The following CMC2 variants were observed in gnomAD, a reference collection of about 807,000 sequenced individuals.
The protein encoded by CMC2 is COX assembly mitochondrial protein 2 homolog.
CMC2 carries 5 observed loss-of-function variants against 7.5 expected under a neutral mutation model. The observed-to-expected ratio is 0.66, with a 90% CI of 0.35 to 1.40. CMC2 has a LOEUF of 1.40. Ranked by LOEUF, CMC2 falls within the 40% of genes most tolerant of loss-of-function variation. The pLI, the probability that CMC2 is intolerant of heterozygous loss-of-function variation, is 0.04. For synonymous variants in CMC2, 37 were observed against 31.4 expected (o/e 1.18, Z -0.60); for missense variants, 115 against 92.3 (o/e 1.25, Z -1.01).
At chr16:80,999,042 G>C (rs2216753) in intron 1 of CMC2, 95,803 of 151,952 alleles carry the variant, frequency 0.63, 31,699 homozygotes, top group South Asian at 0.79. Context: ...CAAGGGAACA[G>C]GATGCCCGCT....
intron 1 of CMC2, among the ~76,000 whole-genome samples, chr16:81,002,807 A>C (rs1968968946): frequency 6.6e-6 from 1 of 152,220 alleles, no homozygotes. Flanking sequence ...TTGACAAATA[A>C]TAATTGTATA....
At chr16:81,000,250 C>A (rs191215616) in intron 1 of CMC2, among the ~76,000 whole-genome samples, 1 of 152,190 alleles carries the variant, frequency 6.6e-6, no homozygotes, top group East Asian at 1.9e-4. Flanking sequence ...GTAATCCCAG[C>A]GCTTTGGGAG....
chr16:80,986,751 G>A lies in CMC2; in HGVS notation c.82-4874C>T, dbSNP rs538197826. Among the ~76,000 whole-genome samples, 59 of 152,350 alleles carry A rather than the reference G, an allele frequency of 3.9e-4. No homozygotes were observed. In the South Asian group the frequency reaches 9.5e-3, roughly 25 times the overall value. ...ATGACACTGGCTTTCAGCCAAGAAT[G>A]ACAGTGGAAGTTTTAAAAAGAGATA... On this transcript the variant is annotated intron_variant, in intron 2 of 3. Transcript: ENST00000219400.
In CMC2 at chr16:80,969,164, G is replaced by C. The variant is rs1366510044; in HGVS notation, c.*6929C>G. 1 of 152,210 alleles carries C rather than the reference G, an allele frequency of 6.6e-6. No homozygotes were observed. The highest frequency in any genetic ancestry group is 1.5e-5 in the Non-Finnish European group (1 of 68,042). 9.4% of individuals were successfully genotyped at this position (152,210 alleles called of 1,614,324 possible). On this transcript the variant is annotated 3_prime_UTR_variant, in exon 4 of 4. Coordinates refer to ENST00000219400, the MANE Select transcript of CMC2 (RefSeq NM_020188.5). Reference sequence around the variant, plus strand: ...AACTATCTTTTTTATGATATAAAAAGGGCAGGAGGAGAGACAGTATTTACA... The same window carrying C: ...AACTATCTTTTTTATGATATAAAAACGGCAGGAGGAGAGACAGTATTTACA...
chr16:80,994,469 C>A (rs1440430049), intron 2 of CMC2, among the ~76,000 whole-genome samples: 12 of 149,902 alleles, frequency 8.0e-5, no homozygotes, highest in Admixed American at 8.0e-4. Context: ...ATTCACAATA[C>A]ACTTATCAAA....
chr16:80,984,671 A>T (rs894153050), intron 2 of CMC2, among the ~76,000 whole-genome samples: 12 of 152,232 alleles, frequency 7.9e-5, no homozygotes, highest in Non-Finnish European at 7.3e-5. Context: ...ACAAATAAAC[A>T]TGACAATGCA....
chr16:80,981,777 C>A, intron 3 of CMC2, 29 bp downstream of exon 3: 1 of 1,436,630 alleles, frequency 7.0e-7, no homozygotes, highest in East Asian at 2.3e-5. Flanking sequence ...TATTGTTCAA[C>A]CATATCCATC....
At chr16:81,001,841 A>AAC (rs72159358) in intron 1 of CMC2, among the ~76,000 whole-genome samples, 2,836 of 150,116 alleles carry the variant, frequency 0.019, 32 homozygotes, top group Non-Finnish European at 0.025. Context: ...GTAACTACTA[A>AAC]ACACACACAC....
At chr16:80,978,618 C>T (rs1966871907) in intron 3 of CMC2, among the ~76,000 whole-genome samples, 1 of 151,346 alleles carries the variant, frequency 6.6e-6, no homozygotes, top group African/African-American at 2.4e-5. Context: ...ACCTGTAATC[C>T]AAAACTTTGG....
At position 80,970,709 on chromosome 16, in the gene CMC2, A is replaced by G. The variant is rs1346492038; in HGVS notation, c.*5384T>C. ...ATCTATAGGCCCCAGAATTATTAAGAAAGTTTGGCAAGCCTTCTGAATGTA... is the reference window on the plus strand; with the variant it reads ...ATCTATAGGCCCCAGAATTATTAAGGAAGTTTGGCAAGCCTTCTGAATGTA... On this transcript the variant is annotated 3_prime_UTR_variant, in exon 4 of 4. Coordinates refer to ENST00000219400, the MANE Select transcript of CMC2 (RefSeq NM_020188.5). 1.3e-5 allele frequency: 2 copies of G among 152,222 alleles called. No homozygotes were observed. Among genetic ancestry groups the G allele is most frequent in the Admixed American group, 6.5e-5 (1 of 15,284 alleles). 9.4% of individuals were successfully genotyped at this position (152,222 alleles called of 1,614,324 possible). A position where few individuals can be genotyped will look rare whatever the true frequency, so the allele number is the denominator to read the frequency against.
In CMC2 at chr16:81,000,079, A is replaced by C. The variant is rs10163450; in HGVS notation, c.-35-2650T>G. 8.3e-3 allele frequency among the ~76,000 whole-genome samples: 1,261 copies of C among 152,354 alleles called. 17 individuals are homozygous for C. The highest frequency in any genetic ancestry group is 0.029 in the African/African-American group (1,198 of 41,576). On this transcript the variant is annotated intron_variant, in intron 1 of 3. Transcript: ENST00000219400. ...CTCAAAACAGCAAAAGAAACTATGA[A>C]TAGAATAAAGACAACCTACAGAATA...
chr16:80,986,875 G>T (rs1967583372), intron 2 of CMC2, among the ~76,000 whole-genome samples: 1 of 152,254 alleles, frequency 6.6e-6, no homozygotes, highest in South Asian at 2.1e-4. Context: ...ATCTGAGCCA[G>T]AGATACAGAT....
chr16:80,984,551 A>G (rs559599696), intron 2 of CMC2, among the ~76,000 whole-genome samples: 27 of 152,278 alleles, frequency 1.8e-4, no homozygotes, highest in African/African-American at 5.8e-4. Context: ...AAATTTTTTA[A>G]TTAAAAAAAC....
chr16:80,978,298 G>A (rs1389287562), intron 3 of CMC2: 4 of 1,222,872 alleles, frequency 3.3e-6, no homozygotes, highest in South Asian at 1.5e-5. Context: ...GGTCTTAAGG[G>A]AAACTCTTCA....
chr16:81,000,210 G>T (rs994239886), intron 1 of CMC2, among the ~76,000 whole-genome samples: 1 of 152,108 alleles, frequency 6.6e-6, no homozygotes, highest in East Asian at 1.9e-4. Context: ...TAAAAAGTGG[G>T]CAAAAGGCTG....
At chr16:80,988,272 T>C (rs1967696131) in intron 2 of CMC2, among the ~76,000 whole-genome samples, 1 of 152,184 alleles carries the variant, frequency 6.6e-6, no homozygotes, top group South Asian at 2.1e-4. Context: ...GGTGTTGCTG[T>C]TGAGAGACAT....
At chr16:80,993,388 C>T (rs1438844734) in intron 2 of CMC2, among the ~76,000 whole-genome samples, 1 of 152,094 alleles carries the variant, frequency 6.6e-6, no homozygotes, top group Non-Finnish European at 1.5e-5. Context: ...AGGAGGCAAA[C>T]GTCAGAGGAA....
At position 80,997,351 on chromosome 16, in the gene CMC2, T is replaced by C. The variant is rs200961491; in HGVS notation, c.44A>G (p.Asn15Ser). The change falls in exon 2 of 4, where the codon AAC becomes AGC. Residue 15 changes from asparagine to serine, a missense_variant. By Grantham distance (46) the Asn-to-Ser change is conservative. Coordinates refer to ENST00000219400, the MANE Select transcript of CMC2 (RefSeq NM_020188.5). ...TTCCTTAAGCAAGTTAATCAAGACGTTGCATTCTTCAGTGTGCAAGTGTGG... is the reference window on the plus strand; with the variant it reads ...TTCCTTAAGCAAGTTAATCAAGACGCTGCATTCTTCAGTGTGCAAGTGTGG... ...LSPHLHTEEC[N>S]VLINLLKECH... 3.1e-6 allele frequency: 5 copies of C among 1,607,896 alleles called. No individual in the cohort carries two copies. The highest frequency in any genetic ancestry group is 2.2e-5 in the East Asian group (1 of 44,522).
chr16:81,002,166 T>G (rs1968914903), intron 1 of CMC2, among the ~76,000 whole-genome samples: 2 of 152,210 alleles, frequency 1.3e-5, no homozygotes, highest in South Asian at 4.1e-4. Flanking sequence ...GGCTCACACC[T>G]GTAATCCCAG....
Sources: gnomAD v4.1 joint callset for allele counts (sites outside exome capture counted in the v4.1 genomes callset) on GRCh38, gnomAD v4.1.1 for gene constraint, MANE v1.5 for transcripts, NCBI Gene and HGNC (gene_info 2026-07-23, HGNC 2026-07-21) for gene names.